Variants in KLHL14 observed in about 807,000 individuals in gnomAD.
KLHL14 encodes the protein kelch-like protein 14.
Under a neutral mutation model 64.3 loss-of-function variants are expected in KLHL14, and 22 were observed. That is an observed-to-expected ratio of 0.34 (90% CI 0.24 to 0.49). The LOEUF (loss-of-function observed/expected upper bound fraction) is 0.49, where lower values mean the gene tolerates loss of function less well. Ranked by LOEUF, KLHL14 falls within the 20% of genes least tolerant of loss-of-function variation. The pLI, the probability that KLHL14 is intolerant of heterozygous loss-of-function variation, is 0.99. For missense variants in KLHL14, 661 were observed against 789.0 expected, an observed-to-expected ratio of 0.84 and a Z score of 1.94; for synonymous variants, 322 against 333.4, an observed-to-expected ratio of 0.97 and a Z score of 0.37.
chr18:32,739,644 A>G lies in KLHL14; in HGVS notation c.1069+2284T>C, dbSNP rs9957651. On this transcript the variant is annotated intron_variant, in intron 3 of 8. Transcript: ENST00000359358. ...TATGTTCCCATTATAAGAACTTTGC[A>G]CACACACACACACACACACACACAC... Among the ~76,000 whole-genome samples, 222 of 45,600 alleles carry G rather than the reference A, an allele frequency of 4.9e-3. 1 individual carries two copies. The highest frequency in any genetic ancestry group is 0.042 in the African/African-American group (189 of 4,496). The allele number at this position is 45,600 out of a possible 152,430, so 29.9% of individuals were successfully genotyped here. A position where few individuals can be genotyped will look rare whatever the true frequency, so the allele number is the denominator to read the frequency against.
chr18:32,727,605 A>G (rs867315765), intron 3 of KLHL14, among the ~76,000 whole-genome samples: 3 of 152,208 alleles, frequency 2.0e-5, no homozygotes, highest in Admixed American at 1.3e-4. Flanking sequence ...AGTAAGGGAA[A>G]TGACTTGGGT....
At chr18:32,735,677 T>C (rs1403752847) in intron 3 of KLHL14, among the ~76,000 whole-genome samples, 1 of 152,144 alleles carries the variant, frequency 6.6e-6, no homozygotes, top group Non-Finnish European at 1.5e-5. Flanking sequence ...TGCCAGATCT[T>C]ATATATTTTA....
chr18:32,690,601 C>T (rs1219123824), intron 4 of KLHL14, among the ~76,000 whole-genome samples: 1 of 152,036 alleles, frequency 6.6e-6, no homozygotes, highest in Non-Finnish European at 1.5e-5. Context: ...TGGCGGTGGG[C>T]TCCTGTAATC....
At chr18:32,708,816 C>T (rs1002432568) in intron 3 of KLHL14, among the ~76,000 whole-genome samples, 2 of 152,140 alleles carry the variant, frequency 1.3e-5, no homozygotes, top group African/African-American at 4.8e-5. Flanking sequence ...AAAGAAGGAG[C>T]TCGTGTTGTG....
At chr18:32,732,327 AT>A (rs1447025081) in intron 3 of KLHL14, among the ~76,000 whole-genome samples, 1 of 152,256 alleles carries the variant, frequency 6.6e-6, no homozygotes. Flanking sequence ...ACATAGAACA[AT>A]TGTATTCTGA....
In KLHL14 at chr18:32,677,270, T is replaced by A; in HGVS notation, c.1649A>T (p.Asn550Ile). 6.2e-7 allele frequency: 1 copy of A among 1,613,640 alleles called. No individual in the cohort carries two copies. Among genetic ancestry groups the A allele is most frequent in the African/African-American group, 1.3e-5 (1 of 75,016 alleles). The change falls in exon 8 of 9, where the codon AAT becomes ATT. Residue 550 changes from asparagine (N) to isoleucine (I), a missense_variant. This residue lies in a region of KLHL14 where 330 missense variants were observed against 450.0 expected (regional missense o/e 0.73). Transcript: ENST00000359358. The part of the protein sequence containing the change: ...ECYDPKGDQW[N>I]ILQTPILEGR... ...CTCCAAAATGGGAGTTTGGAGTATATTCCACTGGTCACCTTTTGGGTCATA... is the reference window on the plus strand; with the variant it reads ...CTCCAAAATGGGAGTTTGGAGTATAATCCACTGGTCACCTTTTGGGTCATA...
At chr18:32,747,740 G>A (rs1195655827) in intron 2 of KLHL14, among the ~76,000 whole-genome samples, 1 of 152,134 alleles carries the variant, frequency 6.6e-6, no homozygotes, top group East Asian at 1.9e-4. Context: ...TCACAGTAGT[G>A]TTTTAGCAGT....
At chr18:32,744,813 G>A (rs2050216316) in intron 2 of KLHL14, 2 of 152,238 alleles carry the variant, frequency 1.3e-5, no homozygotes, top group Admixed American at 1.3e-4. Context: ...AGAGGATCTA[G>A]TGTCTTTGTT....
At chr18:32,686,012 CTT>C (rs5823856) in intron 5 of KLHL14, among the ~76,000 whole-genome samples, 6 of 138,504 alleles carry the variant, frequency 4.3e-5, no homozygotes, top group Non-Finnish European at 3.1e-5. Flanking sequence ...CTTTTTCTTT[CTT>C]TTTTTTTTTT....
intron 2 of KLHL14, among the ~76,000 whole-genome samples, chr18:32,758,211 C>A (rs2050292829): frequency 6.6e-6 from 1 of 152,094 alleles, no homozygotes; most frequent in African/African-American, 2.4e-5. Flanking sequence ...CAGCCTCAAA[C>A]TCCTGGGTTC....
At chr18:32,700,803 G>A (rs2144490615) in intron 3 of KLHL14, among the ~76,000 whole-genome samples, 1 of 152,276 alleles carries the variant, frequency 6.6e-6, no homozygotes, top group East Asian at 1.9e-4. Flanking sequence ...GGGCTGGGGA[G>A]AGGGAGCGGC....
At position 32,769,997 on chromosome 18, in the gene KLHL14, C is replaced by T. The variant is rs766276970; in HGVS notation, c.595G>A (p.Glu199Lys). ...TTGTTGGCCAGCTTCTTGGTCTCCT[C>T]CAGGCCGTGCAGCGCGGCGATCTTG... ...VCKIAALHGL[E>K]ETKKLANKYL... Residue 199 changes from glutamate to lysine, a missense_variant, in exon 2 of 9, where the codon GAG (glutamate) becomes AAG (lysine). By Grantham distance (56) the Glu-to-Lys change is moderately conservative. Around this residue, in one of 2 missense-constraint regions of KLHL14, gnomAD observed 331 missense variants for 339.0 expected, o/e 0.98. Coordinates refer to ENST00000359358, the MANE Select transcript of KLHL14 (RefSeq NM_020805.3). The T allele has an allele frequency of 1.2e-6, 2 of 1,614,206 alleles. No individual in the cohort carries two copies. Among genetic ancestry groups the T allele is most frequent in the Non-Finnish European group, 1.7e-6 (2 of 1,180,034 alleles).
chr18:32,762,106 C>A (rs1469051872), intron 2 of KLHL14, among the ~76,000 whole-genome samples: 3 of 151,562 alleles, frequency 2.0e-5, no homozygotes, highest in Non-Finnish European at 4.4e-5. Context: ...AAAAAAAAAA[C>A]AACAAAAAAT....
Position 32,674,449 on chromosome 18 carries a change from C to T in KLHL14, c.*208G>A. 4.3e-6 allele frequency: 2 copies of T among 470,520 alleles called. No homozygotes were observed. Among genetic ancestry groups the T allele is most frequent in the South Asian group, 4.7e-5 (1 of 21,382 alleles). The allele number at this position is 470,520 out of a possible 1,614,324, so 29.1% of individuals were successfully genotyped here. A position where few individuals can be genotyped will look rare whatever the true frequency, so the allele number is the denominator to read the frequency against. On this transcript the variant is annotated 3_prime_UTR_variant, in exon 9 of 9. Coordinates refer to ENST00000359358, the MANE Select transcript of KLHL14 (RefSeq NM_020805.3). ...AGTCTGAAATGGAAGAGTCTGTCAC[C>T]ACAGGAAGTTTGGTGCGATCTGAGT... is the stretch of plus-strand genomic sequence containing the variant.
chr18:32,770,605 G>A lies in KLHL14; in HGVS notation c.-14C>T, dbSNP rs2050378303. On this transcript the variant is annotated 5_prime_UTR_variant, in exon 2 of 9. Transcript: ENST00000359358. This position sits in a 1 kb window ranked among gnomAD's most constrained non-coding sequence, Gnocchi z 6.7. ...GGATCTGGACATGGCGAGCTGACTC[G>A]GTGCACCTGGCTTTAAACCCTCCTC... 6.5e-7 allele frequency: 1 copy of A among 1,545,366 alleles called. No homozygotes were observed. Among genetic ancestry groups the A allele is most frequent in the Non-Finnish European group, 8.7e-7 (1 of 1,148,926 alleles).
At chr18:32,693,413 C>CACACACACACACACACACAGAGAG (rs1229737083) in intron 4 of KLHL14, among the ~76,000 whole-genome samples, 2 of 97,016 alleles carry the variant, frequency 2.1e-5, no homozygotes, top group Admixed American at 1.1e-4. Flanking sequence ...CACACACACA[C>CACACACACACACACACACAGAGAG]AGAGAGAGAG....
At chr18:32,682,932 T>G (rs1265156364) in intron 5 of KLHL14, among the ~76,000 whole-genome samples, 4 of 152,158 alleles carry the variant, frequency 2.6e-5, no homozygotes, top group Non-Finnish European at 4.4e-5. Flanking sequence ...TGGGCCATCT[T>G]TAAAGAATTG....
intron 2 of KLHL14, among the ~76,000 whole-genome samples, chr18:32,756,759 C>T (rs1194395919): frequency 1.3e-5 from 2 of 152,120 alleles, no homozygotes; most frequent in Admixed American, 1.3e-4. Flanking sequence ...TACAACAATG[C>T]CAATTGAAGT....
At chr18:32,748,346 TTTTTGTA>T (rs575684604) in intron 2 of KLHL14, among the ~76,000 whole-genome samples, 25 of 147,960 alleles carry the variant, frequency 1.7e-4, no homozygotes, top group East Asian at 1.6e-3. Flanking sequence ...GTATTTTGTA[TTTTTGTA>T]TTTTGTATTT....
Sources: allele counts gnomAD v4.1 joint callset (sites outside exome capture counted in the v4.1 genomes callset), GRCh38; gene constraint gnomAD v4.1.1; regional missense constraint gnomAD v4.1.1; non-coding constraint Gnocchi (gnomAD v3.1); transcripts MANE v1.5; gene names NCBI Gene and HGNC (gene_info 2026-07-23, HGNC 2026-07-21).